Variants in KIAA1671 observed in about 807,000 individuals in gnomAD.
KIAA1671 encodes the protein KIAA1671.
In KIAA1671, 52 loss-of-function variants were observed where a neutral mutation model predicts 131.2. The ratio of observed to expected loss-of-function variants is 0.40; its 90% confidence interval spans 0.32 to 0.50. KIAA1671 has a LOEUF of 0.50. KIAA1671 is among the 20% of genes least tolerant of loss of function. KIAA1671 has a pLI of 0.73. For synonymous variants in KIAA1671, 1,003 were observed against 961.6 expected, an observed-to-expected ratio of 1.04 and a Z score of -0.80; for missense variants, 2,360 against 2,364.2, an observed-to-expected ratio of 1.00 and a Z score of 0.04.
chr22:25,032,848 G>GA (rs1926368016), intron 4 of KIAA1671, among the ~76,000 whole-genome samples, 152 bp downstream of exon 4: 1 of 152,166 alleles, frequency 6.6e-6, no homozygotes, highest in Non-Finnish European at 1.5e-5. Context: ...TTGGGACTTT[G>GA]AAGTCCCTTT....
In KIAA1671 at chr22:25,025,613, G is replaced by C. The variant is rs1925909784; in HGVS notation, c.-207-20G>C. ...CTGCCAGAACTCCGGAACTGAGGCT[G>C]TCATCCTGTGTCTCCTTAGACCTGC... is the stretch of plus-strand genomic sequence containing the variant. On this transcript the variant is annotated intron_variant, in intron 1 of 12. Coordinates refer to ENST00000358431, the MANE Select transcript of KIAA1671 (RefSeq NM_001145206.2). The C allele has an allele frequency of 6.6e-6, 1 of 152,240 alleles. No homozygotes were observed. The highest frequency in any genetic ancestry group is 2.1e-4 in the South Asian group (1 of 4,834). The allele number at this position is 152,240 out of a possible 1,614,324, so 9.4% of individuals were successfully genotyped here. A position where few individuals can be genotyped will look rare whatever the true frequency, so the allele number is the denominator to read the frequency against.
At position 25,040,367 on chromosome 22, in the gene KIAA1671, A is replaced by G. The variant is rs1157723265; in HGVS notation, c.3237A>G (p.Ala1079=). ...STLVSLGHEE[A]LEMAGSKNWM... is the part of the protein sequence containing the mutation. ...TGGTTTCTCTTGGTCATGAAGAGGC[A>G]TTGGAGATGGCAGGCAGTAAAAACT... is the stretch of plus-strand genomic sequence containing the variant. The change falls in exon 5 of 13, where the codon GCA becomes GCG. Residue 1079 remains alanine (A), a synonymous_variant. Transcript: ENST00000358431. 4 of 1,551,786 alleles carry G rather than the reference A, an allele frequency of 2.6e-6. No homozygotes were observed. The Admixed American group carries it at 5.9e-5, about 23-fold the overall frequency.
chr22:25,104,362 G>A (rs1930876013), intron 6 of KIAA1671, among the ~76,000 whole-genome samples: 1 of 152,160 alleles, frequency 6.6e-6, no homozygotes, highest in Non-Finnish European at 1.5e-5. Context: ...TAGGAAGCAG[G>A]ATGTGAAGAG....
At chr22:25,015,434 A>C (rs1236811912) in intron 1 of KIAA1671, among the ~76,000 whole-genome samples, 2 of 152,128 alleles carry the variant, frequency 1.3e-5, no homozygotes, top group Admixed American at 1.3e-4. Flanking sequence ...GTGAGTGGTC[A>C]GCCAGTCCAA....
chr22:25,099,802 C>T (rs927408679), intron 6 of KIAA1671, among the ~76,000 whole-genome samples: 1 of 152,010 alleles, frequency 6.6e-6, no homozygotes, highest in Non-Finnish European at 1.5e-5. Flanking sequence ...TGTGAGCCAC[C>T]GCACCTGGCC....
At position 25,120,429 on chromosome 22, in the gene KIAA1671, T is replaced by G. The variant is rs925687566; in HGVS notation, c.4531-50391T>G. ...GTCACCCAGAGAACAATGGTTCCTTTATAGATCTAGCCTGGGCCAAAGTCT... is the reference window on the plus strand; with the variant it reads ...GTCACCCAGAGAACAATGGTTCCTTGATAGATCTAGCCTGGGCCAAAGTCT... On this transcript the variant is annotated intron_variant, in intron 6 of 12. Coordinates refer to ENST00000358431, the MANE Select transcript of KIAA1671 (RefSeq NM_001145206.2). 1.2e-4 allele frequency among the ~76,000 whole-genome samples: 18 copies of G among 152,302 alleles called. No individual in the cohort carries two copies. The South Asian group carries it at 1.7e-3, about 14-fold the overall frequency.
chr22:25,076,230 A>G (rs1335712864), intron 6 of KIAA1671, among the ~76,000 whole-genome samples: 2 of 152,016 alleles, frequency 1.3e-5, no homozygotes, highest in Non-Finnish European at 2.9e-5. Flanking sequence ...TACTTTGGAT[A>G]TATACCCAGA....
chr22:25,151,048 A>T (rs1432594139), intron 6 of KIAA1671, among the ~76,000 whole-genome samples: 1 of 151,736 alleles, frequency 6.6e-6, no homozygotes, highest in African/African-American at 2.4e-5. Context: ...GTTAGCCAGG[A>T]TGGTCTCTAT....
chr22:25,094,665 C>G (rs778932327), intron 6 of KIAA1671, among the ~76,000 whole-genome samples: 1 of 152,104 alleles, frequency 6.6e-6, no homozygotes, highest in Non-Finnish European at 1.5e-5. Flanking sequence ...AAGCTCCAGA[C>G]AGCGTTGTAA....
chr22:25,018,075 C>T (rs1157565257), intron 1 of KIAA1671, among the ~76,000 whole-genome samples: 3 of 151,194 alleles, frequency 2.0e-5, no homozygotes, highest in South Asian at 2.1e-4. Flanking sequence ...GTCTCAGTTG[C>T]GATACCTTCT....
At chr22:25,046,311 A>G (rs1927222271) in intron 5 of KIAA1671, among the ~76,000 whole-genome samples, 1 of 131,632 alleles carries the variant, frequency 7.6e-6, no homozygotes, top group Admixed American at 7.3e-5. Flanking sequence ...CAAGAGAAAA[A>G]AAAAGAAGAA....
intron 1 of KIAA1671, among the ~76,000 whole-genome samples, chr22:24,967,379 G>A (rs1275646910): frequency 6.6e-6 from 1 of 152,230 alleles, no homozygotes; most frequent in Non-Finnish European, 1.5e-5. Flanking sequence ...TGCAGAGCCT[G>A]TATTTGAACT....
At chr22:24,955,821 C>G (rs1000100826) in intron 1 of KIAA1671, among the ~76,000 whole-genome samples, 1 of 151,884 alleles carries the variant, frequency 6.6e-6, no homozygotes, top group African/African-American at 2.4e-5. Flanking sequence ...GTCAGGAGAT[C>G]GAGACCATCC....
At position 25,029,085 on chromosome 22, in the gene KIAA1671, G is replaced by T; in HGVS notation, c.1086G>T (p.Pro362=). ...RERKEKMLSK[P]EMGSPRALVG... is the part of the protein sequence containing the mutation. ...GGAAGGAGAAGATGCTTTCGAAGCC[G>T]GAGATGGGCAGCCCCAGAGCCCTGG... The change falls in exon 3 of 13, where the codon CCG becomes CCT. Residue 362 remains proline, a synonymous_variant. Transcript: ENST00000358431. 11 of 1,494,746 alleles carry T rather than the reference G, an allele frequency of 7.4e-6. No individual in the cohort carries two copies. In the South Asian group the frequency reaches 1.2e-4, roughly 17 times the overall value. 92.6% of individuals were successfully genotyped at this position (1,494,746 alleles called of 1,614,324 possible).
chr22:25,001,483 G>A (rs1184478984), intron 1 of KIAA1671, among the ~76,000 whole-genome samples: 37 of 152,144 alleles, frequency 2.4e-4, no homozygotes, highest in Non-Finnish European at 1.0e-4. Flanking sequence ...GAAAGTTGAT[G>A]CCTGCCCCAA....
At chr22:25,041,757 G>C (rs1451427796) in intron 5 of KIAA1671, among the ~76,000 whole-genome samples, 2 of 152,018 alleles carry the variant, frequency 1.3e-5, no homozygotes, top group African/African-American at 4.8e-5. Context: ...TTATTTGTTT[G>C]TTTGAAACAA....
rs371911210 is a variant in KIAA1671, at chr22:25,178,854, GC to G, written c.5074+1336del. The stretch of plus-strand genomic sequence containing the variant: ...GACACCATCACCCGCCTCCCCCGTT[GC>G]CCCTCCCTCATGGGGAGCCCCTTCC... On this transcript the variant is annotated intron_variant, in intron 9 of 12. Coordinates refer to ENST00000358431, the MANE Select transcript of KIAA1671 (RefSeq NM_001145206.2). Among the ~76,000 whole-genome samples, 498 of 152,028 alleles carry G rather than the reference GC, an allele frequency of 3.3e-3. 4 individuals are homozygous for G. Among genetic ancestry groups the G allele is most frequent in the African/African-American group, 0.011 (458 of 41,446 alleles).
intron 6 of KIAA1671, among the ~76,000 whole-genome samples, chr22:25,162,698 C>T (rs1337328990): frequency 6.6e-6 from 1 of 152,206 alleles, no homozygotes; most frequent in African/African-American, 2.4e-5. Context: ...GATCAGCAAA[C>T]TACTGCCTGA....
chr22:24,989,151 G>A (rs1056760432), intron 1 of KIAA1671, among the ~76,000 whole-genome samples: 1 of 152,142 alleles, frequency 6.6e-6, no homozygotes, highest in Non-Finnish European at 1.5e-5. Context: ...GGTGTTCATT[G>A]TCTTCCTCTC....
Sources: gnomAD v4.1 joint callset for allele counts (sites outside exome capture counted in the v4.1 genomes callset) on GRCh38, gnomAD v4.1.1 for gene constraint, MANE v1.5 for transcripts, NCBI Gene and HGNC (gene_info 2026-07-23, HGNC 2026-07-21) for gene names.